Variants in RFC3 observed in about 807,000 individuals in gnomAD.
RFC3 encodes A1 38 kDa subunit.
A neutral mutation model predicts 45.1 loss-of-function variants in RFC3; 41 were observed. The ratio of observed to expected loss-of-function variants is 0.91; its 90% CI spans 0.71 to 1.18. The LOEUF is 1.18. Ranked by LOEUF, RFC3 falls within the 50% of genes most tolerant of loss-of-function variation. RFC3 has a pLI of 0.00. For synonymous variants in RFC3, 149 were observed against 144.0 expected, an observed-to-expected ratio of 1.03 and a Z score of -0.25; for missense variants, 423 against 428.1, an observed-to-expected ratio of 0.99 and a Z score of 0.10.
chr13:33,891,877 T>C (rs913413872), intron 8 of RFC3, among the ~76,000 whole-genome samples: 19 of 152,224 alleles, frequency 1.2e-4, no homozygotes, highest in African/African-American at 4.1e-4. Flanking sequence ...AGAATAAGAA[T>C]AGTTGTGAAA....
chr13:33,867,499 G>C (rs762031495), intron 8 of RFC3, among the ~76,000 whole-genome samples: 11 of 152,214 alleles, frequency 7.2e-5, no homozygotes, highest in Non-Finnish European at 1.3e-4. Flanking sequence ...TCTGAGAGAA[G>C]AGGGGAAAAT....
chr13:33,950,105 A>C (rs78122079), intron 8 of RFC3, among the ~76,000 whole-genome samples: 1 of 132,178 alleles, frequency 7.6e-6, no homozygotes, highest in African/African-American at 2.8e-5. Context: ...ACACACACAC[A>C]CCCCGTTATG....
chr13:33,915,544 A>G (rs1176363578), intron 8 of RFC3, among the ~76,000 whole-genome samples: 3 of 152,132 alleles, frequency 2.0e-5, no homozygotes, highest in African/African-American at 7.2e-5. Flanking sequence ...CCTTGGGGGT[A>G]GATTTCTGTA....
At chr13:33,860,597 C>T (rs927235692) in intron 8 of RFC3, among the ~76,000 whole-genome samples, 4 of 152,066 alleles carry the variant, frequency 2.6e-5, no homozygotes, top group Non-Finnish European at 5.9e-5. Flanking sequence ...ATGTGACAAT[C>T]GACTCCGCAT....
the RFC3 span, among the ~76,000 whole-genome samples, chr13:33,976,947 C>T: frequency 6.6e-6 from 1 of 152,022 alleles, no homozygotes; most frequent in Non-Finnish European, 1.5e-5. Flanking sequence ...TCAAGGTTAG[C>T]AATAGTGATG....
chr13:33,925,778 G>A (rs1279554310), intron 8 of RFC3, among the ~76,000 whole-genome samples: 1 of 151,772 alleles, frequency 6.6e-6, no homozygotes, highest in Admixed American at 6.6e-5. Flanking sequence ...TTTAGGCCAA[G>A]AAAGAGACTA....
chr13:33,937,081 T>C (rs892167549), intron 8 of RFC3, among the ~76,000 whole-genome samples: 1 of 152,150 alleles, frequency 6.6e-6, no homozygotes, highest in African/African-American at 2.4e-5. Flanking sequence ...AGGTTGTACA[T>C]CTTAAATACA....
exon 9 of RFC3, chr13:33,966,114 G>A (rs2083086410): frequency 6.2e-7 from 1 of 1,610,932 alleles, no homozygotes. Context: ...AAGAAGCTGT[G>A]ACATATTCTG....
chr13:33,955,045 T>G (rs2083013563), intron 8 of RFC3, among the ~76,000 whole-genome samples: 1 of 152,240 alleles, frequency 6.6e-6, no homozygotes, highest in Non-Finnish European at 1.5e-5. Flanking sequence ...ATGCAGCCTC[T>G]CTACATGGCC....
At chr13:33,909,135 A>G (rs114303827) in intron 8 of RFC3, among the ~76,000 whole-genome samples, 1 of 152,132 alleles carries the variant, frequency 6.6e-6, no homozygotes, top group African/African-American at 2.4e-5. Flanking sequence ...TGCCTAAAAG[A>G]TGTTGAAACT....
intron 8 of RFC3, among the ~76,000 whole-genome samples, chr13:33,944,442 A>G (rs1363427279): frequency 2.6e-5 from 4 of 152,214 alleles, no homozygotes; most frequent in African/African-American, 2.4e-5. Flanking sequence ...CTCTGAGAGC[A>G]TCTACTTTTA....
At chr13:33,835,561 C>T (rs3135630) in intron 8 of RFC3, 42 of 461,178 alleles carry the variant, frequency 9.1e-5, no homozygotes, top group Admixed American at 1.9e-4. Context: ...TCCACCCATC[C>T]GTTTTCACAA....
the RFC3 span, among the ~76,000 whole-genome samples, chr13:33,972,199 T>C: frequency 4.6e-5 from 7 of 152,372 alleles, no homozygotes; most frequent in African/African-American, 1.7e-4. Context: ...TAAATTATGT[T>C]TTTGAACTTT....
In RFC3 at chr13:33,954,159, A is replaced by G. The variant is rs80188198; in HGVS notation, c.880-11928A>G. 9.4e-3 allele frequency among the ~76,000 whole-genome samples: 1,438 copies of G among 152,268 alleles called. 15 individuals are homozygous for G. Among genetic ancestry groups the G allele is most frequent in the African/African-American group, 0.032 (1,339 of 41,528 alleles). ...TAAAGAGTTAAGGTAAAAAAGAATAACCTCTCATTATCTTTGTTTCTCAAG... is the reference window on the plus strand; with the variant it reads ...TAAAGAGTTAAGGTAAAAAAGAATAGCCTCTCATTATCTTTGTTTCTCAAG... On this transcript the variant is annotated intron_variant, in intron 8 of 8. Transcript: ENST00000434425.
At chr13:33,952,192 G>A (rs999774745) in intron 8 of RFC3, among the ~76,000 whole-genome samples, 7 of 152,186 alleles carry the variant, frequency 4.6e-5, no homozygotes, top group African/African-American at 9.7e-5. Flanking sequence ...ACTTGAACAC[G>A]TAAGTGCACA....
At chr13:33,964,883 G>A (rs2083078162) in intron 8 of RFC3, among the ~76,000 whole-genome samples, 1 of 152,200 alleles carries the variant, frequency 6.6e-6, no homozygotes, top group Admixed American at 6.5e-5. Context: ...CCAACATAAT[G>A]TGTTATTTTA....
rs560504966 is a variant in RFC3, at chr13:33,832,140, C to T, written c.809+786C>T. ...CGATTGAGAAACACAGTTTGCTTTCCTCCAAATAAAAAATGACAATGTTAA... is the reference window on the plus strand; with the variant it reads ...CGATTGAGAAACACAGTTTGCTTTCTTCCAAATAAAAAATGACAATGTTAA... On this transcript the variant is annotated intron_variant, in intron 7 of 8. Transcript: ENST00000380071. Among the ~76,000 whole-genome samples, 8 of 152,214 alleles carry T rather than the reference C, an allele frequency of 5.3e-5. No homozygotes were observed. In the South Asian group the frequency reaches 1.2e-3, roughly 24 times the overall value.
intron 8 of RFC3, chr13:33,850,530 AAT>A (rs1429861128): frequency 1.3e-5 from 2 of 152,094 alleles, no homozygotes; most frequent in East Asian, 3.8e-4. Flanking sequence ...AATTAATTGA[AAT>A]AAATTATGTT....
chr13:33,863,677 T>C (rs1415917779), intron 8 of RFC3, among the ~76,000 whole-genome samples: 1 of 152,230 alleles, frequency 6.6e-6, no homozygotes, highest in East Asian at 1.9e-4. Context: ...TTCTCTTGCT[T>C]GATACTGCGT....
Sources: gnomAD v4.1 joint callset for allele counts (sites outside exome capture counted in the v4.1 genomes callset) on GRCh38, gnomAD v4.1.1 for gene constraint, MANE v1.5 for transcripts, NCBI Gene and HGNC (gene_info 2026-07-23, HGNC 2026-07-21) for gene names.